The following GOLGA3 variants were observed in gnomAD, a reference collection of about 807,000 sequenced individuals.
GOLGA3 encodes the protein golgin subfamily A member 3.
Under a neutral mutation model 169.4 loss-of-function variants are expected in GOLGA3, and 75 were observed. The observed-to-expected ratio is 0.44, with a 90% CI of 0.37 to 0.54. GOLGA3 has a LOEUF of 0.54. Among genes scored for constraint, GOLGA3 ranks in the 20% least tolerant of loss-of-function variants. The pLI is 0.00. For missense variants in GOLGA3, 1,899 were observed against 1,930.0 expected, an observed-to-expected ratio of 0.98 and a Z score of 0.30; for synonymous variants, 824 against 822.4, an observed-to-expected ratio of 1.00 and a Z score of -0.03.
Position 132,776,654 on chromosome 12 carries a change from C to T in GOLGA3, c.3958G>A (p.Gly1320Arg), listed in dbSNP as rs755536875. The T allele has an allele frequency of 1.2e-6, 2 of 1,612,346 alleles. No individual in the cohort carries two copies. Among genetic ancestry groups the T allele is most frequent in the Admixed American group, 3.3e-5 (2 of 59,950 alleles). Reference protein sequence around the residue: ...TEQQGRKELEGLQQLLQNVKS... With the variant: ...TEQQGRKELERLQQLLQNVKS... The stretch of plus-strand genomic sequence containing the variant: ...GGTACCTGCAGCAGCTGCTGTAGCC[C>T]TTCCAGTTCCTTCCTGCCCTGCTGC... The change falls in exon 21 of 24, where the codon GGG becomes AGG. Residue 1320 changes from glycine to arginine, a missense_variant. By Grantham distance (125) the Gly-to-Arg change is moderately radical (BLOSUM62 -2). Coordinates refer to ENST00000450791, the MANE Select transcript of GOLGA3 (RefSeq NM_001389683.1).
rs191301159 is a variant in GOLGA3, at chr12:132,769,009, T to A, written c.*4096A>T. The A allele has an allele frequency of 3.3e-4, 50 of 152,792 alleles. No homozygotes were observed. Among genetic ancestry groups the A allele is most frequent in the Non-Finnish European group, 4.7e-4 (32 of 68,048 alleles). The allele number at this position is 152,792 out of a possible 1,614,324, so 9.5% of individuals were successfully genotyped here. ...CAACGTGCTTTTTAAAGTTACACTT[T>A]GTCAGACACGGTGACCCCTTTCCCA... On this transcript the variant is annotated 3_prime_UTR_variant, in exon 24 of 24. Coordinates refer to ENST00000450791, the MANE Select transcript of GOLGA3 (RefSeq NM_001389683.1).
intron 21 of GOLGA3, among the ~76,000 whole-genome samples, 155 bp from the exon 22 acceptor site, chr12:132,775,460 T>C (rs1210751374): frequency 2.0e-5 from 3 of 152,218 alleles, no homozygotes; most frequent in South Asian, 2.1e-4. Context: ...GGACCAGAAG[T>C]GTGTCAAATT....
In GOLGA3 at chr12:132,808,056, G is replaced by A. The variant is rs149815995; in HGVS notation, c.1013C>T (p.Thr338Met). ...TYGILSKTVG[T>M]QDTPYMVNGQ... ...GTTGACCATATAGGGGGTGTCCTGC[G>A]TGCCCACTGTCTTCGACAGAATGCC... is the stretch of plus-strand genomic sequence containing the variant. The change falls in exon 5 of 24, where the codon ACG becomes ATG. Residue 338 changes from threonine (T) to methionine (M), a missense_variant. Coordinates refer to ENST00000450791, the MANE Select transcript of GOLGA3 (RefSeq NM_001389683.1). 174 of 1,600,538 alleles carry A rather than the reference G, an allele frequency of 1.1e-4. No homozygotes were observed. Among genetic ancestry groups the A allele is most frequent in the South Asian group, 5.0e-4 (45 of 89,396 alleles).
Position 132,807,944 on chromosome 12 carries a change from C to T in GOLGA3, c.1125G>A (p.Gln375=). 6.2e-7 allele frequency: 1 copy of T among 1,613,334 alleles called. No homozygotes were observed. Among genetic ancestry groups the T allele is most frequent in the Admixed American group, 1.7e-5 (1 of 59,930 alleles). Residue 375 remains glutamine (Q), a synonymous_variant, in exon 5 of 24, where the codon CAG becomes CAA. Transcript: ENST00000450791. Reference sequence around the variant, plus strand: ...GCACCTCCCCGTTGACCTCCTGCCCCTGGTCTTGGTGCTCAGCGGCTGCGG... The same window carrying T: ...GCACCTCCCCGTTGACCTCCTGCCCTTGGTCTTGGTGCTCAGCGGCTGCGG... ...LQAAAAEHQD[Q]GQEVNGEVRS... is the part of the protein sequence containing the mutation.
chr12:132,819,298 G>A (rs1950114778), intron 2 of GOLGA3, among the ~76,000 whole-genome samples: 3 of 152,150 alleles, frequency 2.0e-5, no homozygotes, highest in Non-Finnish European at 4.4e-5. Flanking sequence ...GGGAAGCTGA[G>A]GCAGGTGGAT....
rs1470652002 is a variant in GOLGA3, at chr12:132,787,787, G to T, written c.2812-1000C>A. On this transcript the variant is annotated intron_variant, in intron 13 of 23. Transcript: ENST00000450791. ...CCCGGAGACCACGGGACCCCTCCCCGGAGACCACGGGACCCCTCCCCGGAG... is the reference window on the plus strand; with the variant it reads ...CCCGGAGACCACGGGACCCCTCCCCTGAGACCACGGGACCCCTCCCCGGAG... 1.4e-3 allele frequency among the ~76,000 whole-genome samples: 36 copies of T among 25,090 alleles called. 11 individuals are homozygous for T. Among genetic ancestry groups the T allele is most frequent in the African/African-American group, 3.2e-3 (30 of 9,274 alleles). The allele number at this position is 25,090 out of a possible 152,430, so 16.5% of individuals were successfully genotyped here.
chr12:132,826,858 G>T (rs1326328650), intron 1 of GOLGA3, among the ~76,000 whole-genome samples: 3 of 150,648 alleles, frequency 2.0e-5, no homozygotes, highest in Non-Finnish European at 3.0e-5. Context: ...CGAGGAGGAG[G>T]AGCAACTGCC....
chr12:132,791,591 C>G (rs1457106377), intron 11 of GOLGA3, among the ~76,000 whole-genome samples: 2 of 149,752 alleles, frequency 1.3e-5, no homozygotes, highest in Non-Finnish European at 3.0e-5. Context: ...GGAAAGGACA[C>G]ATCTGCAGAG....
chr12:132,790,938 C>T (rs899696541), intron 12 of GOLGA3, among the ~76,000 whole-genome samples: 2 of 118,674 alleles, frequency 1.7e-5, no homozygotes, highest in Non-Finnish European at 4.3e-5. Context: ...GTAGTCGCAG[C>T]TACTCGGGAG....
intron 11 of GOLGA3, 108 bp downstream of exon 11, chr12:132,795,744 C>T (rs1372584718): frequency 1.5e-5 from 19 of 1,239,072 alleles, no homozygotes; most frequent in Non-Finnish European, 2.1e-5. Flanking sequence ...CTGGGCAACA[C>T]AGCGAGACTG....
chr12:132,821,099 C>CAA (rs61336622), intron 2 of GOLGA3, among the ~76,000 whole-genome samples: 3,554 of 49,112 alleles, frequency 0.072, 475 homozygotes, highest in African/African-American at 0.2. Flanking sequence ...GACACCGTCT[C>CAA]AAAAAAAAAA....
chr12:132,778,940 G>A (rs1031507958), intron 18 of GOLGA3, among the ~76,000 whole-genome samples: 28 of 151,954 alleles, frequency 1.8e-4, no homozygotes, highest in Non-Finnish European at 3.4e-4. Flanking sequence ...AGCACGGAGC[G>A]AAAGCTGGAG....
chr12:132,774,517 T>A, intron 22 of GOLGA3, 197 bp from the exon 23 acceptor site: 1 of 616,216 alleles, frequency 1.6e-6, no homozygotes. Context: ...AACACCTTTA[T>A]TCCTAAGGCA....
chr12:132,827,916 A>G (rs1361078477), intron 1 of GOLGA3: 1 of 151,490 alleles, frequency 6.6e-6, no homozygotes, highest in Non-Finnish European at 1.5e-5. Context: ...AAAAAAAAAA[A>G]AAAAATCCAT....
chr12:132,791,703 A>C (rs2046243146), intron 11 of GOLGA3, among the ~76,000 whole-genome samples: 1 of 109,644 alleles, frequency 9.1e-6, no homozygotes, highest in African/African-American at 3.5e-5. Context: ...ACTGAGGGCT[A>C]CAGCAGGGGG....
rs140234257 is a variant in GOLGA3 at position 132,808,186 on chromosome 12, C to G, written c.883G>C (p.Asp295His). The G allele has an allele frequency of 1.5e-5, 24 of 1,613,174 alleles. No homozygotes were observed. The highest frequency in any genetic ancestry group is 1.9e-5 in the Non-Finnish European group (22 of 1,179,420). ...GCCAGGGAGGTGTTCTCCAGACGGT[C>G]GTCAGTGTCGGGGGACAGGCTGATC... ...SEISLSPDTD[D>H]RLENTSLAGD... Residue 295 changes from aspartate (D) to histidine (H), a missense_variant, in exon 5 of 24, where the codon GAC becomes CAC. Asp to His is a moderately conservative substitution (Grantham distance 81). Transcript: ENST00000450791.
chr12:132,800,001 A>G (rs1001226883), intron 8 of GOLGA3, among the ~76,000 whole-genome samples: 2 of 152,132 alleles, frequency 1.3e-5, no homozygotes, highest in East Asian at 3.9e-4. Flanking sequence ...TCGGCCTCCC[A>G]AAGTGCTGGG....
chr12:132,796,967 G>A (rs568826703), intron 9 of GOLGA3, among the ~76,000 whole-genome samples: 99 of 152,318 alleles, frequency 6.5e-4, no homozygotes, highest in African/African-American at 2.2e-3. Flanking sequence ...CGACTTTCTC[G>A]TGTGGCGACA....
chr12:132,803,395 T>C (rs974333027), intron 7 of GOLGA3, among the ~76,000 whole-genome samples: 3 of 152,204 alleles, frequency 2.0e-5, no homozygotes, highest in East Asian at 3.9e-4. Flanking sequence ...GACCCAACGA[T>C]GTCTACCAGC....
Sources: gnomAD v4.1 joint callset for allele counts (sites outside exome capture counted in the v4.1 genomes callset) on GRCh38, gnomAD v4.1.1 for gene constraint, MANE v1.5 for transcripts, NCBI Gene and HGNC (gene_info 2026-07-23, HGNC 2026-07-21) for gene names.